Variants in CNTNAP2 observed in about 807,000 individuals in gnomAD.
CNTNAP2 encodes contactin associated protein 2, also known as contactin-associated protein-like 2.
CNTNAP2 carries 98 observed loss-of-function variants against 155.2 expected under a neutral mutation model. That is an observed-to-expected ratio of 0.63 (90% CI 0.54 to 0.75). The LOEUF is 0.75. CNTNAP2 is among the 30% of genes least tolerant of loss of function. The pLI is 0.00. For synonymous variants in CNTNAP2, 651 were observed against 631.2 expected (o/e 1.03, Z -0.47); for missense variants, 1,727 against 1,688.1 (o/e 1.02, Z -0.40).
chr7:147,129,306 C>A (rs969254624), intron 7 of CNTNAP2, among the ~76,000 whole-genome samples: 1 of 152,138 alleles, frequency 6.6e-6, no homozygotes, highest in Non-Finnish European at 1.5e-5. Context: ...CACTTTTTAG[C>A]AAATCTCTAA....
intron 1 of CNTNAP2, among the ~76,000 whole-genome samples, chr7:146,352,793 C>G (rs62503483): frequency 0.18 from 20,552 of 113,762 alleles, 1,812 homozygotes; most frequent in Admixed American, 0.21. Context: ...CTCTCTCTGT[C>G]GCCCAGGCTG....
intron 10 of CNTNAP2, among the ~76,000 whole-genome samples, chr7:147,415,680 C>G (rs1797181422): frequency 6.6e-6 from 1 of 151,992 alleles, no homozygotes; most frequent in African/African-American, 2.4e-5. Context: ...AAAAATGGAC[C>G]AATACACCAA....
intron 1 of CNTNAP2, among the ~76,000 whole-genome samples, chr7:146,396,855 A>G (rs1795635626): frequency 1.3e-5 from 2 of 152,058 alleles, no homozygotes; most frequent in Admixed American, 1.3e-4. Context: ...ATTTGCTTAG[A>G]GAGATAACAA....
chr7:147,955,321 C>A (rs903702403), intron 14 of CNTNAP2, among the ~76,000 whole-genome samples: 4 of 152,062 alleles, frequency 2.6e-5, no homozygotes, highest in African/African-American at 9.7e-5. Flanking sequence ...AAATGATATA[C>A]TTTAAATATT....
intron 1 of CNTNAP2, among the ~76,000 whole-genome samples, chr7:146,440,063 G>A (rs1796299184): frequency 6.6e-6 from 1 of 151,682 alleles, no homozygotes; most frequent in Non-Finnish European, 1.5e-5. Context: ...GGCAGAGGTT[G>A]CAGTGAGCTG....
At chr7:147,281,135 TAACTTA>T (rs944988498) in intron 8 of CNTNAP2, among the ~76,000 whole-genome samples, 15 of 152,066 alleles carry the variant, frequency 9.9e-5, no homozygotes, top group African/African-American at 3.1e-4. Context: ...TGTTCACATA[TAACTTA>T]AAAGAAAGTT....
At chr7:148,330,681 G>C (rs984793211) in intron 21 of CNTNAP2, among the ~76,000 whole-genome samples, 1 of 151,030 alleles carries the variant, frequency 6.6e-6, no homozygotes, top group African/African-American at 2.5e-5. Context: ...GGAGTAGATG[G>C]AGTGGATGGA....
chr7:146,539,845 G>A (rs975219427), intron 1 of CNTNAP2, among the ~76,000 whole-genome samples: 1 of 152,096 alleles, frequency 6.6e-6, no homozygotes, highest in Admixed American at 6.6e-5. Flanking sequence ...GTCAAGAAAT[G>A]TTTGTTGTAT....
chr7:147,057,192 T>C (rs1170156026), intron 4 of CNTNAP2, among the ~76,000 whole-genome samples: 1 of 152,178 alleles, frequency 6.6e-6, no homozygotes, highest in Non-Finnish European at 1.5e-5. Flanking sequence ...GTCGATATCA[T>C]GAAACAACAG....
intron 8 of CNTNAP2, among the ~76,000 whole-genome samples, chr7:147,218,396 G>A (rs1291802829): frequency 6.6e-6 from 1 of 151,482 alleles, no homozygotes; most frequent in Non-Finnish European, 1.5e-5. Context: ...TTTTACCCAT[G>A]TGTTATTTAG....
chr7:148,235,836 C>T (rs1036643497), intron 20 of CNTNAP2, among the ~76,000 whole-genome samples: 2 of 152,042 alleles, frequency 1.3e-5, no homozygotes, highest in South Asian at 4.1e-4. Flanking sequence ...CAGGCGTGTG[C>T]CACCACGCCC....
chr7:148,273,101 T>C (rs1796811655), intron 21 of CNTNAP2, among the ~76,000 whole-genome samples: 1 of 152,218 alleles, frequency 6.6e-6, no homozygotes, highest in Non-Finnish European at 1.5e-5. Context: ...GGTCTCTACT[T>C]TGAGGTAATG....
intron 1 of CNTNAP2, among the ~76,000 whole-genome samples, chr7:146,278,828 A>G (rs1239980410): frequency 6.6e-6 from 1 of 152,194 alleles, no homozygotes; most frequent in Admixed American, 6.5e-5. Flanking sequence ...CTTTTATTAC[A>G]GCGCTAAAAA....
At chr7:147,436,104 G>C (rs897357925) in intron 10 of CNTNAP2, among the ~76,000 whole-genome samples, 11 of 152,248 alleles carry the variant, frequency 7.2e-5, no homozygotes, top group African/African-American at 2.6e-4. Context: ...CTACAGAGGA[G>C]CCCCACCTGG....
intron 1 of CNTNAP2, among the ~76,000 whole-genome samples, chr7:146,463,376 T>C (rs1041418746): frequency 5.3e-5 from 8 of 152,120 alleles, no homozygotes; most frequent in African/African-American, 1.9e-4. Context: ...GCTACCCCCA[T>C]TAGTTCCAAA....
At chr7:146,359,679 T>C (rs1795053833) in intron 1 of CNTNAP2, among the ~76,000 whole-genome samples, 1 of 152,208 alleles carries the variant, frequency 6.6e-6, no homozygotes, top group African/African-American at 2.4e-5. Flanking sequence ...CTCTGATAAA[T>C]AATGTTAATA....
intron 8 of CNTNAP2, among the ~76,000 whole-genome samples, chr7:147,258,286 A>G (rs1488033080): frequency 2.0e-5 from 3 of 152,188 alleles, no homozygotes; most frequent in African/African-American, 2.4e-5. Context: ...AACACATATA[A>G]TGTTTGGTGA....
chr7:148,027,764 A>G (rs1026429374), intron 15 of CNTNAP2, among the ~76,000 whole-genome samples: 1 of 152,316 alleles, frequency 6.6e-6, no homozygotes, highest in Non-Finnish European at 1.5e-5. Context: ...GAAAAAAAGA[A>G]AGGATTTCAT....
Position 147,592,780 on chromosome 7 carries a change from C to T in CNTNAP2, c.1897+30523C>T, listed in dbSNP as rs370945748. Reference sequence around the variant, plus strand: ...TCTCTCCAACCCACTGTGAAATTTTCATTAAGCCCCTCATATCTTCTCCAG... The same window carrying T: ...TCTCTCCAACCCACTGTGAAATTTTTATTAAGCCCCTCATATCTTCTCCAG... On this transcript the variant is annotated intron_variant, in intron 12 of 23. Coordinates refer to ENST00000361727, the MANE Select transcript of CNTNAP2 (RefSeq NM_014141.6). Among the ~76,000 whole-genome samples the T allele has an allele frequency of 1.1e-4, 17 of 152,270 alleles. No individual in the cohort carries two copies. The East Asian group carries it at 3.1e-3, about 28-fold the overall frequency.
Sources: allele counts gnomAD v4.1 joint callset (sites outside exome capture counted in the v4.1 genomes callset), GRCh38; gene constraint gnomAD v4.1.1; transcripts MANE v1.5; gene names NCBI Gene and HGNC (gene_info 2026-07-23, HGNC 2026-07-21).